Variants in SLC12A6 observed in about 807,000 individuals in gnomAD.
SLC12A6 encodes the protein solute carrier family 12 member 6, also known as K-Cl cotransporter 3.
A neutral mutation model predicts 135.3 loss-of-function variants in SLC12A6; 66 were observed. The ratio of observed to expected loss-of-function variants is 0.49; its 90% CI spans 0.40 to 0.60. SLC12A6 has a LOEUF of 0.60. Ranked by LOEUF, SLC12A6 falls within the 20% of genes least tolerant of loss-of-function variation. The probability of loss-of-function intolerance (pLI) is 0.00; values close to 1 mark genes in which losing one functional copy is unlikely to be tolerated. For synonymous variants in SLC12A6, 513 were observed against 508.8 expected (o/e 1.01, Z -0.11); for missense variants, 1,058 against 1,452.3 (o/e 0.73, Z 4.41).
In SLC12A6 at chr15:34,236,136, C is replaced by T. The variant is rs764764975; in HGVS notation, c.3106G>A (p.Glu1036Lys). The change falls in exon 24 of 26, where the codon GAA becomes AAA. Residue 1036 changes from glutamate to lysine, a missense_variant. Around this residue, in one of 6 missense-constraint regions of SLC12A6, gnomAD observed 245 missense variants for 440.8 expected, o/e 0.56. Transcript: ENST00000354181. ...TTCTCCTGATAGGTTTCTGTCTCTT[C>T]GTCCTCATCAGAGCCAATGCTGGTC... is the stretch of plus-strand genomic sequence containing the variant. ...RLTSIGSDED[E>K]ETETYQEKVH... 1.2e-6 allele frequency: 2 copies of T among 1,613,642 alleles called. No homozygotes were observed. Among genetic ancestry groups the T allele is most frequent in the South Asian group, 1.1e-5 (1 of 91,074 alleles).
intron 2 of SLC12A6, among the ~76,000 whole-genome samples, chr15:34,296,850 C>G (rs1017393737): frequency 6.6e-6 from 1 of 152,012 alleles, no homozygotes; most frequent in Non-Finnish European, 1.5e-5. Flanking sequence ...TAAAGAACAT[C>G]CACATAGAAA....
intron 2 of SLC12A6, among the ~76,000 whole-genome samples, chr15:34,310,414 A>AGT (rs146623414): frequency 3.5e-5 from 2 of 57,560 alleles, no homozygotes; most frequent in African/African-American, 1.6e-4. Flanking sequence ...CCTGGGCTCA[A>AGT]GTGTGTGTGT....
At chr15:34,327,285 G>A (rs551259558) in intron 2 of SLC12A6, among the ~76,000 whole-genome samples, 1 of 152,056 alleles carries the variant, frequency 6.6e-6, no homozygotes, top group African/African-American at 2.4e-5. Flanking sequence ...TGCTGAACCA[G>A]AAAAAAATAA....
chr15:34,304,464 ATTG>A (rs1382463269), intron 2 of SLC12A6, among the ~76,000 whole-genome samples: 25 of 152,200 alleles, frequency 1.6e-4, no homozygotes, highest in Admixed American at 2.6e-4. Context: ...AAACTGTCAA[ATTG>A]TTTTCCAAAG....
chr15:34,284,277 C>CTTTTTTTTTTTTTTTTTTT (rs71415558), intron 2 of SLC12A6, among the ~76,000 whole-genome samples: 21 of 92,488 alleles, frequency 2.3e-4, no homozygotes, highest in Admixed American at 5.0e-4. Flanking sequence ...TGTTTCTTTT[C>CTTTTTTTTTTTTTTTTTTT]TTTTTTTTTT....
At chr15:34,277,016 T>C (rs1012084237) in intron 2 of SLC12A6, among the ~76,000 whole-genome samples, 4 of 152,188 alleles carry the variant, frequency 2.6e-5, no homozygotes, top group African/African-American at 9.7e-5. Flanking sequence ...CAGGGGATTT[T>C]TTTCCTTAAT....
At chr15:34,306,483 T>C (rs1458762527) in intron 2 of SLC12A6, among the ~76,000 whole-genome samples, 1 of 152,182 alleles carries the variant, frequency 6.6e-6, no homozygotes, top group Admixed American at 6.5e-5. Context: ...CAGGCTCTTG[T>C]CTAGAGGAAA....
intron 2 of SLC12A6, among the ~76,000 whole-genome samples, chr15:34,318,393 G>GT (rs1888803089): frequency 6.6e-6 from 1 of 152,152 alleles, no homozygotes; most frequent in Admixed American, 6.5e-5. Flanking sequence ...TGTGAGAAAA[G>GT]TAAGAGAAGC....
chr15:34,301,248 A>G (rs1896238403), intron 2 of SLC12A6, among the ~76,000 whole-genome samples: 1 of 152,134 alleles, frequency 6.6e-6, no homozygotes, highest in African/African-American at 2.4e-5. Flanking sequence ...GCCCGGCCTC[A>G]ACATGTTTGT....
intron 20 of SLC12A6, 187 bp from the exon 21 acceptor site, chr15:34,238,588 C>T (rs1891435514): frequency 1.6e-6 from 1 of 643,534 alleles, no homozygotes; most frequent in South Asian, 1.8e-5. Flanking sequence ...AGACTGAGAA[C>T]CACAGTTTAT....
intron 17 of SLC12A6, among the ~76,000 whole-genome samples, chr15:34,241,713 A>C (rs1891656605): frequency 6.6e-6 from 1 of 152,216 alleles, no homozygotes. Context: ...TCTGAATAAG[A>C]ATGTTATTTC....
rs142583579 is a variant in SLC12A6, at chr15:34,322,149, G to A, written c.271+14261C>T. Among the ~76,000 whole-genome samples, 396 of 152,288 alleles carry A rather than the reference G, an allele frequency of 2.6e-3. 5 individuals are homozygous for A. The highest frequency in any genetic ancestry group is 7.1e-4 in the Non-Finnish European group (48 of 68,036). On this transcript the variant is annotated intron_variant, in intron 2 of 25. Coordinates refer to ENST00000354181, the MANE Select transcript of SLC12A6 (RefSeq NM_001365088.1). ...ACCTATAATCCCAGCACTTTGGGAA[G>A]CTGAGGTGGACGGATCACCCGAGGT...
rs1416593064 is a variant in SLC12A6 at position 34,244,014 on chromosome 15, G to A, written c.2002C>T (p.Arg668Ter). ...AATCGGGGTCTCCAGTTGGGTGTTC[G>A]AAGTAATGTTTGCAAGGCACATGCC... ...NLACALQTLLRTPNWRPRFRY... is the reference protein window; with the variant it reads ...NLACALQTLL The change falls in exon 16 of 26, where the codon CGA becomes TGA. Residue 668 changes from arginine (R) to a stop codon, truncating the protein, a stop_gained. Coordinates refer to ENST00000354181, the MANE Select transcript of SLC12A6 (RefSeq NM_001365088.1). LOFTEE classifies it high-confidence loss of function. 7 of 1,609,806 alleles carry A rather than the reference G, an allele frequency of 4.3e-6. No individual in the cohort carries two copies. Among genetic ancestry groups the A allele is most frequent in the South Asian group, 1.1e-5 (1 of 91,016 alleles).
chr15:34,278,279 C>A (rs763216507), intron 2 of SLC12A6, among the ~76,000 whole-genome samples: 4 of 151,842 alleles, frequency 2.6e-5, no homozygotes, highest in Non-Finnish European at 5.9e-5. Context: ...ATAAAAAAAT[C>A]AGCTGGGCGT....
rs1356085653 is a variant in SLC12A6 at position 34,240,696 on chromosome 15, G to C, written c.2401C>G (p.Leu801Val). 1.2e-6 allele frequency: 2 copies of C among 1,614,076 alleles called. No individual in the cohort carries two copies. Among genetic ancestry groups the C allele is most frequent in the South Asian group, 2.2e-5 (2 of 91,088 alleles). Reference sequence around the variant, plus strand: ...GCTAAAGCTTCACCGTAGTTCTCTAGGAAGTTCCCCACGATGACAGAGCCC... The same window carrying C: ...GCTAAAGCTTCACCGTAGTTCTCTACGAAGTTCCCCACGATGACAGAGCCC... ...IVGSVIVGNFLENYGEALAAE... is the reference protein window; with the variant it reads ...IVGSVIVGNFVENYGEALAAE... Residue 801 changes from leucine to valine, a missense_variant, in exon 19 of 26, where the codon CTA becomes GTA. Physicochemically the swap from Leu to Val is conservative, Grantham distance 32. This residue lies in a region of SLC12A6 where 31 missense variants were observed against 24.3 expected (regional missense o/e 1.28). Transcript: ENST00000354181.
Position 34,260,975 on chromosome 15 carries a change from T to G in SLC12A6, c.362A>C (p.Asn121Thr), listed in dbSNP as rs778522960. The G allele has an allele frequency of 1.9e-5, 30 of 1,579,820 alleles. No individual in the cohort carries two copies. Among genetic ancestry groups the G allele is most frequent in the Non-Finnish European group, 2.6e-5 (30 of 1,148,990 alleles). The change falls in exon 4 of 26, where the codon AAT becomes ACT. Residue 121 changes from asparagine to threonine, a missense_variant. This residue lies in a region of SLC12A6 where 176 missense variants were observed against 168.9 expected (regional missense o/e 1.04). Coordinates refer to ENST00000354181, the MANE Select transcript of SLC12A6 (RefSeq NM_001365088.1). ...AAAATATTCATCTCCTTCTTCATAA[T>G]TGGAATTATTGAGATAAGCATTTCG... ...KARNAYLNNS[N>T]YEEGDEYFDK...
intron 7 of SLC12A6, 36 bp downstream of exon 7, chr15:34,256,193 C>A: frequency 1.5e-6 from 2 of 1,368,234 alleles, no homozygotes; most frequent in Non-Finnish European, 2.1e-6. Context: ...AGAGTCAACA[C>A]TGATAAATCC....
At position 34,242,382 on chromosome 15, in the gene SLC12A6, G is replaced by A. The variant is rs562344679; in HGVS notation, c.2043-161C>T. Among the ~76,000 whole-genome samples, 7 of 152,180 alleles carry A rather than the reference G, an allele frequency of 4.6e-5. No homozygotes were observed. In the East Asian group the frequency reaches 5.8e-4, roughly 13 times the overall value. On this transcript the variant is annotated intron_variant, in intron 16 of 25. Coordinates refer to ENST00000354181, the MANE Select transcript of SLC12A6 (RefSeq NM_001365088.1). Reference sequence around the variant, plus strand: ...AAAATGCAATAAAAATGAATTATTCGAAAAATTATCACATGCCTGGATGCT... The same window carrying A: ...AAAATGCAATAAAAATGAATTATTCAAAAAATTATCACATGCCTGGATGCT...
chr15:34,305,059 A>G (rs1896509278), intron 2 of SLC12A6, among the ~76,000 whole-genome samples: 1 of 152,164 alleles, frequency 6.6e-6, no homozygotes, highest in African/African-American at 2.4e-5. Flanking sequence ...CAATCTGTAA[A>G]TACTCTTCTA....
Sources: gnomAD v4.1 joint callset for allele counts (sites outside exome capture counted in the v4.1 genomes callset) on GRCh38, gnomAD v4.1.1 for gene constraint, gnomAD v4.1.1 regional missense constraint, MANE v1.5 for transcripts, NCBI Gene and HGNC (gene_info 2026-07-23, HGNC 2026-07-21) for gene names.